The following GRM7 variants were observed in gnomAD, a reference collection of about 807,000 sequenced individuals.
The protein encoded by GRM7 is glutamate metabotropic receptor 7, also known as metabotropic glutamate receptor 7.
In GRM7, 35 loss-of-function variants were observed where a neutral mutation model predicts 84.5. That is an observed-to-expected ratio of 0.41 (90% confidence interval 0.32 to 0.55). The LOEUF is 0.55. Ranked by LOEUF, GRM7 falls within the 20% of genes least tolerant of loss-of-function variation. The probability of loss-of-function intolerance (pLI) is 0.19; values close to 1 mark genes in which losing one functional copy is unlikely to be tolerated. For missense variants in GRM7, 1,003 were observed against 1,194.6 expected (o/e 0.84, Z 2.36); for synonymous variants, 487 against 455.1 (o/e 1.07, Z -0.89).
intron 2 of GRM7, among the ~76,000 whole-genome samples, chr3:7,175,766 G>C (rs1228733306): frequency 6.6e-6 from 1 of 152,060 alleles, no homozygotes; most frequent in Non-Finnish European, 1.5e-5. Context: ...TTGAACTCCT[G>C]ACCTCAAGTG....
chr3:7,288,273 AT>A (rs747332793), intron 2 of GRM7, among the ~76,000 whole-genome samples: 4 of 150,598 alleles, frequency 2.7e-5, no homozygotes, highest in East Asian at 1.9e-4. Context: ...AAGGAGTTAA[AT>A]TTTTTTTTTA....
chr3:7,337,476 A>G (rs1332771106), intron 4 of GRM7, among the ~76,000 whole-genome samples: 1 of 152,108 alleles, frequency 6.6e-6, no homozygotes, highest in Admixed American at 6.6e-5. Flanking sequence ...GTAAACAGAC[A>G]CCCCACAGAG....
At chr3:7,230,056 G>T (rs78812678) in intron 2 of GRM7, among the ~76,000 whole-genome samples, 5 of 151,428 alleles carry the variant, frequency 3.3e-5, no homozygotes, top group East Asian at 2.0e-4. Context: ...AGCCAGGATG[G>T]TCTCGATCTC....
At chr3:7,010,562 A>G (rs1249867829) in intron 1 of GRM7, among the ~76,000 whole-genome samples, 1 of 152,230 alleles carries the variant, frequency 6.6e-6, no homozygotes, top group Non-Finnish European at 1.5e-5. Flanking sequence ...AGTGAAAGAT[A>G]AACAACCGAA....
At chr3:7,679,279 C>T (rs1049012140) in intron 8 of GRM7, among the ~76,000 whole-genome samples, 8 of 152,084 alleles carry the variant, frequency 5.3e-5, no homozygotes, top group African/African-American at 9.7e-5. Flanking sequence ...CCCAAATGGA[C>T]GGAACCCTGG....
In GRM7 at chr3:7,121,204, T is replaced by C. The variant is rs563006780; in HGVS notation, c.520-25248T>C. 1.5e-3 allele frequency among the ~76,000 whole-genome samples: 225 copies of C among 152,298 alleles called. 1 individual carries two copies. Among genetic ancestry groups the C allele is most frequent in the Non-Finnish European group, 2.4e-3 (160 of 68,018 alleles). ...ACTCAATGTATCCTCCTACGGCAGATTCCATTAAAAAGAAGTGACTAATTG... is the reference window on the plus strand; with the variant it reads ...ACTCAATGTATCCTCCTACGGCAGACTCCATTAAAAAGAAGTGACTAATTG... On this transcript the variant is annotated intron_variant, in intron 1 of 9. Transcript: ENST00000357716.
intron 2 of GRM7, among the ~76,000 whole-genome samples, chr3:7,262,578 C>T (rs1698474070): frequency 6.6e-6 from 1 of 152,158 alleles, no homozygotes; most frequent in Non-Finnish European, 1.5e-5. Context: ...TGTACATTTT[C>T]ACATTGTGAA....
chr3:6,888,606 C>G (rs542658719), intron 1 of GRM7, among the ~76,000 whole-genome samples: 4,280 of 152,106 alleles, frequency 0.028, 200 homozygotes, highest in African/African-American at 0.096. Context: ...TGTTTTGGTA[C>G]CAGTACCATG....
At chr3:7,099,437 T>C (rs978845567) in intron 1 of GRM7, among the ~76,000 whole-genome samples, 2 of 149,016 alleles carry the variant, frequency 1.3e-5, no homozygotes, top group African/African-American at 4.9e-5. Context: ...TACGTATACA[T>C]TATACATATG....
At chr3:7,241,342 C>T (rs541389300) in intron 2 of GRM7, among the ~76,000 whole-genome samples, 4 of 152,172 alleles carry the variant, frequency 2.6e-5, no homozygotes, top group South Asian at 2.1e-4. Flanking sequence ...TCATCATCCT[C>T]GTTAATGCTA....
chr3:6,923,882 C>G (rs997757720), intron 1 of GRM7, among the ~76,000 whole-genome samples: 15 of 152,196 alleles, frequency 9.9e-5, no homozygotes, highest in African/African-American at 3.6e-4. Flanking sequence ...TGTGATTTCT[C>G]TTTCTGTTCA....
rs764457381 is a variant in GRM7, at chr3:6,861,486, G to A, written c.98G>A (p.Arg33His). 1.9e-6 allele frequency: 3 copies of A among 1,579,386 alleles called. No homozygotes were observed. The highest frequency in any genetic ancestry group is 2.3e-5 in the East Asian group (1 of 44,224). ...CTGTGCGCGCTGGCGGCGGCGGCGC[G>A]CGGCCAGGAGATGTACGCCCCGCAC... ...VLLCALAAAA[R>H]GQEMYAPHSI... Residue 33 changes from arginine (R) to histidine (H), a missense_variant, in exon 1 of 10, where the codon CGC (arginine) becomes CAC (histidine). Coordinates refer to ENST00000357716, the MANE Select transcript of GRM7 (RefSeq NM_000844.4). This position sits in a 1 kb window ranked among gnomAD's most constrained non-coding sequence, Gnocchi z 6.4.
chr3:7,716,148 A>G (rs947348416), intron 9 of GRM7, among the ~76,000 whole-genome samples: 15 of 152,132 alleles, frequency 9.9e-5, no homozygotes, highest in Admixed American at 8.5e-4. Flanking sequence ...GAGCTTTCTA[A>G]TCATGCTGTG....
rs141283776 is a variant in GRM7, at chr3:7,578,522, C to T, written c.1616C>T (p.Thr539Ile). The T allele has an allele frequency of 9.7e-5, 157 of 1,612,928 alleles. No homozygotes were observed. Among genetic ancestry groups the T allele is most frequent in the Non-Finnish European group, 1.3e-4 (148 of 1,178,928 alleles). ...CAGAGAAAGAAGACACAGAAAGGAA[C>T]TCCTTGCTGTTGGACCTGTGAGCCT... ...PGQRKKTQKG[T>I]PCCWTCEPCD... The change falls in exon 8 of 10, where the codon ACT becomes ATT. Residue 539 changes from threonine (T) to isoleucine (I), a missense_variant. By Grantham distance (89) the Thr-to-Ile change is moderately conservative. Around this residue, in one of 2 missense-constraint regions of GRM7, gnomAD observed 910 missense variants for 1,126.0 expected, o/e 0.81. Transcript: ENST00000357716.
At chr3:7,426,884 A>C (rs1696632371) in intron 5 of GRM7, among the ~76,000 whole-genome samples, 1 of 152,160 alleles carries the variant, frequency 6.6e-6, no homozygotes, top group South Asian at 2.1e-4. Flanking sequence ...TTAAAACCAA[A>C]AATCTGCTTT....
chr3:7,017,157 TA>T (rs1559386128), intron 1 of GRM7, among the ~76,000 whole-genome samples: 3 of 152,192 alleles, frequency 2.0e-5, no homozygotes, highest in African/African-American at 4.8e-5. Flanking sequence ...GTACATTTAA[TA>T]ACCATGTGAA....
intron 8 of GRM7, among the ~76,000 whole-genome samples, chr3:7,620,665 A>G (rs1030520718): frequency 6.6e-6 from 1 of 152,148 alleles, no homozygotes; most frequent in Non-Finnish European, 1.5e-5. Flanking sequence ...TGACTTTTAT[A>G]TGCTGGTGGA....
At chr3:7,485,583 C>G (rs1020406763) in intron 7 of GRM7, among the ~76,000 whole-genome samples, 2 of 152,134 alleles carry the variant, frequency 1.3e-5, no homozygotes, top group Non-Finnish European at 2.9e-5. Context: ...AATTTAAACA[C>G]AAAAGATTTA....
intron 5 of GRM7, among the ~76,000 whole-genome samples, chr3:7,446,307 T>G (rs1697504056): frequency 6.6e-6 from 1 of 152,214 alleles, no homozygotes; most frequent in Non-Finnish European, 1.5e-5. Context: ...TTATGCTGGT[T>G]GTTCAGATCT....
Sources: gnomAD v4.1 joint callset for allele counts (sites outside exome capture counted in the v4.1 genomes callset) on GRCh38, gnomAD v4.1.1 for gene constraint, gnomAD v4.1.1 regional missense constraint, Gnocchi (gnomAD v3.1) non-coding constraint, MANE v1.5 for transcripts, NCBI Gene and HGNC (gene_info 2026-07-23, HGNC 2026-07-21) for gene names.